Variants in CELF2 observed in about 807,000 individuals in gnomAD.
The protein encoded by CELF2 is CUGBP Elav-like family member 2.
In CELF2, 8 loss-of-function variants were observed where a neutral mutation model predicts 62.6. The ratio of observed to expected loss-of-function variants is 0.13; its 90% confidence interval spans 0.07 to 0.23. The LOEUF is 0.23. Among genes scored for constraint, CELF2 ranks in the 10% least tolerant of loss-of-function variants. CELF2 has a pLI of 1.00. For synonymous variants in CELF2, 258 were observed against 250.0 expected (o/e 1.03, Z -0.30); for missense variants, 333 against 671.0 (o/e 0.50, Z 5.56).
Position 11,318,801 on chromosome 10 carries a change from C to T in CELF2, c.1097-2388C>T. On this transcript the variant is annotated intron_variant, in intron 10 of 12. Transcript: ENST00000633077. The surrounding 1 kb of genome is among the most constrained non-coding windows in gnomAD (Gnocchi z 5.4). ...AGAGAAGGGAGTTGGGTCCCAGTGA[C>T]CACTGCCATAAAATGCCACCTGTGT... The T allele has an allele frequency of 2.1e-6, 1 of 471,306 alleles. No homozygotes were observed. The highest frequency in any genetic ancestry group is 4.4e-6 in the Non-Finnish European group (1 of 227,078). 29.2% of individuals were successfully genotyped at this position (471,306 alleles called of 1,614,324 possible). A position where few individuals can be genotyped will look rare whatever the true frequency, so the allele number is the denominator to read the frequency against.
chr10:10,681,411 A>G, the CELF2 span, among the ~76,000 whole-genome samples: 1 of 152,112 alleles, frequency 6.6e-6, no homozygotes, highest in South Asian at 2.1e-4. Context: ...ACTTTTCTAA[A>G]AGGGCCAGGT....
the CELF2 span, among the ~76,000 whole-genome samples, chr10:10,761,039 TTGTCCCATAGACTTCTA>T: frequency 1.3e-5 from 2 of 152,188 alleles, no homozygotes; most frequent in Admixed American, 6.5e-5. Context: ...AGATATGGTA[TTGTCCCATAGACTTCTA>T]TGTTCCATAG....
intron 1 of CELF2, among the ~76,000 whole-genome samples, chr10:11,090,248 G>C (rs545973266): frequency 6.6e-6 from 1 of 152,080 alleles, no homozygotes; most frequent in Non-Finnish European, 1.5e-5. Context: ...GAAACAAGGC[G>C]GTAGAAGAAG....
chr10:10,868,305 G>A (rs1011350397), intron 1 of CELF2, among the ~76,000 whole-genome samples: 1 of 152,202 alleles, frequency 6.6e-6, no homozygotes, highest in Non-Finnish European at 1.5e-5. Context: ...TGGCTCACAC[G>A]CAAAGTTGGA....
chr10:11,003,760 T>C (rs2137056302), upstream of CELF2, among the ~76,000 whole-genome samples: 1 of 152,220 alleles, frequency 6.6e-6, no homozygotes, highest in East Asian at 1.9e-4. The surrounding 1 kb of genome is among the most constrained non-coding windows in gnomAD (Gnocchi z 4.4). Flanking sequence ...ATCTTAGATT[T>C]TATATGATAT....
At chr10:11,100,059 G>A (rs964774735) in intron 1 of CELF2, among the ~76,000 whole-genome samples, 1 of 151,760 alleles carries the variant, frequency 6.6e-6, no homozygotes, top group Admixed American at 6.6e-5. Context: ...AAAAATAGCC[G>A]GGCATGGTGG....
At chr10:11,194,257 G>A (rs1481699170) in intron 2 of CELF2, among the ~76,000 whole-genome samples, 2 of 151,864 alleles carry the variant, frequency 1.3e-5, no homozygotes, top group African/African-American at 2.4e-5. Flanking sequence ...GTAGAGACGG[G>A]GTTTCACCAT....
chr10:10,689,924 T>C, the CELF2 span, among the ~76,000 whole-genome samples: 1,289 of 152,288 alleles, frequency 8.5e-3, 7 homozygotes, highest in African/African-American at 0.012. Flanking sequence ...AACAAGTATA[T>C]GTGGAGGACA....
intron 8 of CELF2, among the ~76,000 whole-genome samples, chr10:11,283,523 G>A (rs940610773): frequency 2.0e-5 from 3 of 151,454 alleles, no homozygotes; most frequent in Non-Finnish European, 4.4e-5. Flanking sequence ...GGATGGATGG[G>A]TGATAATGGA....
Position 11,311,166 on chromosome 10 carries a change from A to G in CELF2, c.977-2973A>G, listed in dbSNP as rs531235594. ...TCCCCACTAGAAAACTACAAGGAAA[A>G]CTGACTATCTCAAAACATAGTGCTG... On this transcript the variant is annotated intron_variant, in intron 9 of 12. Transcript: ENST00000633077. The surrounding 1 kb of genome is among the most constrained non-coding windows in gnomAD (Gnocchi z 4.7). Among the ~76,000 whole-genome samples the G allele has an allele frequency of 6.2e-4, 94 of 152,194 alleles. No homozygotes were observed. Among genetic ancestry groups the G allele is most frequent in the Non-Finnish European group, 1.1e-3 (77 of 68,026 alleles).
chr10:10,700,202 A>G, the CELF2 span, among the ~76,000 whole-genome samples: 3 of 152,194 alleles, frequency 2.0e-5, no homozygotes, highest in Non-Finnish European at 4.4e-5. Flanking sequence ...GGTTTTATTC[A>G]GGAAGAGGCA....
chr10:11,283,366 A>T (rs1022568158), intron 8 of CELF2, among the ~76,000 whole-genome samples: 10 of 152,226 alleles, frequency 6.6e-5, no homozygotes, highest in African/African-American at 2.4e-4. Context: ...TACACAGACT[A>T]TCATGTTTTC....
intron 1 of CELF2, among the ~76,000 whole-genome samples, chr10:10,811,211 T>C (rs2055849984): frequency 6.6e-6 from 1 of 152,204 alleles, no homozygotes; most frequent in Non-Finnish European, 1.5e-5. Flanking sequence ...TGGTCAAATA[T>C]AAAGTTTTCT....
intron 1 of CELF2, among the ~76,000 whole-genome samples, chr10:11,088,097 A>C (rs547252276): frequency 6.6e-6 from 1 of 152,304 alleles, no homozygotes; most frequent in African/African-American, 2.4e-5. Flanking sequence ...GCTTCAGTAG[A>C]GGAGGTGAGA....
the CELF2 span, among the ~76,000 whole-genome samples, chr10:10,745,808 T>C: frequency 6.6e-6 from 1 of 152,208 alleles, no homozygotes; most frequent in Non-Finnish European, 1.5e-5. Context: ...CATATCACCG[T>C]TGGGAATTTC....
chr10:10,809,207 C>T (rs1043732876), intron 1 of CELF2, among the ~76,000 whole-genome samples: 26 of 152,180 alleles, frequency 1.7e-4, no homozygotes, highest in African/African-American at 5.5e-4. Flanking sequence ...CTCTCTCTTT[C>T]TCTCTGTCTC....
At chr10:10,724,090 C>G in the CELF2 span, among the ~76,000 whole-genome samples, 1 of 152,226 alleles carries the variant, frequency 6.6e-6, no homozygotes, top group African/African-American at 2.4e-5. Flanking sequence ...AGGCCCTGCT[C>G]TTGAACTCTG....
chr10:10,723,850 C>A, the CELF2 span, among the ~76,000 whole-genome samples: 2 of 152,112 alleles, frequency 1.3e-5, no homozygotes, highest in Admixed American at 6.5e-5. Flanking sequence ...CAACATTCTT[C>A]GCCTCTTGGA....
At chr10:11,327,779 A>G (rs977608326) in intron 12 of CELF2, among the ~76,000 whole-genome samples, 6 of 152,212 alleles carry the variant, frequency 3.9e-5, no homozygotes, top group African/African-American at 1.4e-4. Flanking sequence ...GTTATGCCGC[A>G]TGCCCATTTT....
Sources: allele counts gnomAD v4.1 joint callset (sites outside exome capture counted in the v4.1 genomes callset), GRCh38; gene constraint gnomAD v4.1.1; non-coding constraint Gnocchi (gnomAD v3.1); transcripts MANE v1.5; gene names NCBI Gene and HGNC (gene_info 2026-07-23, HGNC 2026-07-21).